The following ZNF490 variants were observed in gnomAD, a reference collection of about 807,000 sequenced individuals.
The protein encoded by ZNF490 is zinc finger protein 490.
In ZNF490, 11 loss-of-function variants were observed where a neutral mutation model predicts 17.7. The observed-to-expected ratio is 0.62, with a 90% CI of 0.39 to 1.03. ZNF490 has a LOEUF of 1.03. Among genes scored for constraint, ZNF490 ranks in the 50% least tolerant of loss-of-function variants. The probability of loss-of-function intolerance (pLI) is 0.00; values close to 1 mark genes in which losing one functional copy is unlikely to be tolerated. For synonymous variants in ZNF490, 222 were observed against 216.1 expected, an observed-to-expected ratio of 1.03 and a Z score of -0.24; for missense variants, 542 against 643.4, an observed-to-expected ratio of 0.84 and a Z score of 1.71.
chr19:12,580,076 C>T lies in ZNF490; in HGVS notation c.*409G>A, dbSNP rs945905327. 3.2e-6 allele frequency: 3 copies of T among 937,384 alleles called. No homozygotes were observed. The highest frequency in any genetic ancestry group is 1.1e-3 in the Middle Eastern group (2 of 1,830). The allele number at this position is 937,384 out of a possible 1,614,324, so 58.1% of individuals were successfully genotyped here. A position where few individuals can be genotyped will look rare whatever the true frequency, so the allele number is the denominator to read the frequency against. ...GAGCCGCGATCGCACCACTGCACTC[C>T]AGCCTGGGCAACAAGAGCAAAATTA... On this transcript the variant is annotated 3_prime_UTR_variant, in exon 5 of 5. Coordinates refer to ENST00000311437, the MANE Select transcript of ZNF490 (RefSeq NM_020714.3).
chr19:12,599,896 C>A (rs2022980868), intron 2 of ZNF490, among the ~76,000 whole-genome samples: 3 of 152,040 alleles, frequency 2.0e-5, no homozygotes, highest in Admixed American at 2.0e-4. Context: ...GGGTATTATC[C>A]AGTTTTTCTG....
At chr19:12,583,754 GCGCTCTCTCTCT>G (rs149487858) in intron 2 of ZNF490, among the ~76,000 whole-genome samples, 198 bp from the exon 3 acceptor site, 774 of 70,280 alleles carry the variant, frequency 0.011, 42 homozygotes, top group Middle Eastern at 0.042. Context: ...AAAAATTATT[GCGCTCTCTCTCT>G]CTCTCTCTCT....
chr19:12,577,592 G>A lies in ZNF490; in HGVS notation c.*2893C>T. 1.0e-6 allele frequency: 1 copy of A among 985,452 alleles called. No homozygotes were observed. 61.0% of individuals were successfully genotyped at this position (985,452 alleles called of 1,614,324 possible). A position where few individuals can be genotyped will look rare whatever the true frequency, so the allele number is the denominator to read the frequency against. On this transcript the variant is annotated 3_prime_UTR_variant, in exon 5 of 5. Transcript: ENST00000311437. ...TGGCTCAGCCACCAGGTCCTCCACTGCATCTCCACAGTAGCCGTCACTTCC... is the reference window on the plus strand; with the variant it reads ...TGGCTCAGCCACCAGGTCCTCCACTACATCTCCACAGTAGCCGTCACTTCC...
At chr19:12,609,975 C>T (rs1489024600) in intron 1 of ZNF490, 1 of 446,452 alleles carries the variant, frequency 2.2e-6, no homozygotes, top group Admixed American at 2.5e-5. Context: ...AACCATAAAT[C>T]TACAAAAATA....
chr19:12,600,342 A>C (rs1338166745), intron 2 of ZNF490, among the ~76,000 whole-genome samples: 1 of 151,844 alleles, frequency 6.6e-6, no homozygotes, highest in Non-Finnish European at 1.5e-5. Context: ...CTCCAGCCTG[A>C]GCGAAAGAGC....
In ZNF490 at chr19:12,580,694, G is replaced by T; in HGVS notation, c.1381C>A (p.Leu461Ile). 6.2e-7 allele frequency: 1 copy of T among 1,614,098 alleles called. No homozygotes were observed. Reference protein sequence around the residue: ...CGRVFIYFSHLRRHERSHTGV... With the variant: ...CGRVFIYFSHIRRHERSHTGV... ...GTGTGACTTCTTTCGTGCCTTCGAA[G>T]GTGACTGAAGTAAATGAAGACCCGA... is the stretch of plus-strand genomic sequence containing the variant. The change falls in exon 5 of 5, where the codon CTT becomes ATT. Residue 461 changes from leucine to isoleucine, a missense_variant. Transcript: ENST00000311437.
chr19:12,583,535 C>A lies in ZNF490; in HGVS notation c.184G>T (p.Val62Leu), dbSNP rs1192775613. Residue 62 changes from valine to leucine, a missense_variant, in exon 3 of 5, where the codon GTG (valine) becomes TTG (leucine). By Grantham distance (32) the Val-to-Leu change is conservative. Transcript: ENST00000311437. ...TCCTCCAGGGTGAAGTTCACAGCCA[C>A]ATCCTCAAGGGAGATGGAGTCCTAA... Reference protein sequence around the residue: ...TQTDSISLEDVAVNFTLEEWA... With the variant: ...TQTDSISLEDLAVNFTLEEWA... The A allele has an allele frequency of 6.2e-7, 1 of 1,602,804 alleles. No individual in the cohort carries two copies. The highest frequency in any genetic ancestry group is 1.3e-5 in the African/African-American group (1 of 74,510).
Position 12,588,547 on chromosome 19 carries a change from G to C in ZNF490, c.163-4991C>G, listed in dbSNP as rs540966103. ...CAGCTGTATATTTCAATAACCCCCA[G>C]CATTAATTTAGAGATCCAGCAGGCA... is the stretch of plus-strand genomic sequence containing the variant. On this transcript the variant is annotated intron_variant, in intron 2 of 4. Coordinates refer to ENST00000311437, the MANE Select transcript of ZNF490 (RefSeq NM_020714.3). Among the ~76,000 whole-genome samples, 19 of 152,214 alleles carry C rather than the reference G, an allele frequency of 1.2e-4. No individual in the cohort carries two copies. In the East Asian group the frequency reaches 3.3e-3, roughly 26 times the overall value.
Position 12,592,773 on chromosome 19 carries a change from A to G in ZNF490, c.163-9217T>C, listed in dbSNP as rs146233353. Among the ~76,000 whole-genome samples the G allele has an allele frequency of 2.3e-3, 356 of 152,356 alleles. 5 individuals are homozygous for G. The highest frequency in any genetic ancestry group is 8.1e-3 in the African/African-American group (337 of 41,574). ...CAGATGTATTAAAGTAATAGAAAAT[A>G]TAAAAAGGATAAACTATGTGGAGGC... On this transcript the variant is annotated intron_variant, in intron 2 of 4. Transcript: ENST00000311437.
At chr19:12,596,280 A>AAAAAAAAAGG (rs2022932767) in intron 2 of ZNF490, among the ~76,000 whole-genome samples, 1 of 151,254 alleles carries the variant, frequency 6.6e-6, no homozygotes, top group Admixed American at 6.6e-5. Context: ...AAAAAAAAAA[A>AAAAAAAAAGG]GTGATTTGAT....
intron 2 of ZNF490, among the ~76,000 whole-genome samples, chr19:12,607,335 T>C (rs1317725802): frequency 6.6e-6 from 1 of 151,736 alleles, no homozygotes; most frequent in African/African-American, 2.4e-5. Flanking sequence ...GGATTACAGA[T>C]GTGCACAACC....
intron 2 of ZNF490, among the ~76,000 whole-genome samples, chr19:12,591,285 A>G (rs2861408): frequency 0.62 from 93,320 of 151,690 alleles, 29,534 homozygotes; most frequent in Non-Finnish European, 0.68. Context: ...GCTACTTGGC[A>G]GGCTGAGGTA....
chr19:12,582,624 G>A (rs565350058), intron 4 of ZNF490, among the ~76,000 whole-genome samples: 2 of 151,640 alleles, frequency 1.3e-5, no homozygotes, highest in African/African-American at 4.8e-5. Flanking sequence ...TCGATCTCCT[G>A]ATCTCATGAT....
rs1177100644 is a variant in ZNF490, at chr19:12,577,931, T to C, written c.*2554A>G. On this transcript the variant is annotated 3_prime_UTR_variant, in exon 5 of 5. Coordinates refer to ENST00000311437, the MANE Select transcript of ZNF490 (RefSeq NM_020714.3). ...ACAGACCCGACCCCTATCGTGCCTA[T>C]GCAATTCAGAAAACGGAGAATTCGG... 3.0e-6 allele frequency: 3 copies of C among 985,358 alleles called. No homozygotes were observed. Among genetic ancestry groups the C allele is most frequent in the Non-Finnish European group, 3.6e-6 (3 of 829,974 alleles). 61.0% of individuals were successfully genotyped at this position (985,358 alleles called of 1,614,324 possible).
intron 2 of ZNF490, among the ~76,000 whole-genome samples, chr19:12,601,662 G>A (rs1394972362): frequency 6.6e-6 from 1 of 151,956 alleles, no homozygotes; most frequent in Non-Finnish European, 1.5e-5. Flanking sequence ...ATTATTTTTT[G>A]TATGTCTATC....
chr19:12,579,501 C>G lies in ZNF490; in HGVS notation c.*984G>C, dbSNP rs1421512875. ...AGGCAGAGGTTGCGCCACTTTCACT[C>G]CAGCCTAGGCAACAGAGTAAGACTC... is the stretch of plus-strand genomic sequence containing the variant. On this transcript the variant is annotated 3_prime_UTR_variant, in exon 5 of 5. Transcript: ENST00000311437. The G allele has an allele frequency of 6.7e-6, 1 of 148,206 alleles. No homozygotes were observed. Among genetic ancestry groups the G allele is most frequent in the African/African-American group, 2.5e-5 (1 of 40,032 alleles). The allele number at this position is 148,206 out of a possible 1,614,324, so 9.2% of individuals were successfully genotyped here.
At chr19:12,584,489 A>G (rs2022792608) in intron 2 of ZNF490, among the ~76,000 whole-genome samples, 1 of 94,320 alleles carries the variant, frequency 1.1e-5, no homozygotes, top group African/African-American at 3.2e-5. Flanking sequence ...ACCCAAGACC[A>G]TCTTGGATAT....
chr19:12,593,936 AAGG>A (rs2022901497), intron 2 of ZNF490, among the ~76,000 whole-genome samples: 1 of 152,164 alleles, frequency 6.6e-6, no homozygotes. Flanking sequence ...GTAATTTTGA[AAGG>A]AGGTCTGTGT....
At chr19:12,591,202 G>C (rs1403375004) in intron 2 of ZNF490, among the ~76,000 whole-genome samples, 3 of 151,800 alleles carry the variant, frequency 2.0e-5, no homozygotes, top group Non-Finnish European at 4.4e-5. Context: ...CAGTCTAGCC[G>C]ACATGGTGAA....
Sources: gnomAD v4.1 joint callset for allele counts (sites outside exome capture counted in the v4.1 genomes callset) on GRCh38, gnomAD v4.1.1 for gene constraint, MANE v1.5 for transcripts, NCBI Gene and HGNC (gene_info 2026-07-23, HGNC 2026-07-21) for gene names.